The following OPRD1 variants were observed in gnomAD, a reference collection of about 807,000 sequenced individuals.
OPRD1 encodes the protein delta-type opioid receptor.
A neutral mutation model predicts 17.5 loss-of-function variants in OPRD1; 19 were observed. That is an observed-to-expected ratio of 1.09 (90% CI 0.76 to 1.60). The LOEUF (loss-of-function observed/expected upper bound fraction) is 1.60. Ranked by LOEUF, OPRD1 falls within the 40% of genes most tolerant of loss-of-function variation. The probability of loss-of-function intolerance (pLI) is 0.00; values close to 1 mark genes in which losing one functional copy is unlikely to be tolerated. For missense variants in OPRD1, 483 were observed against 547.2 expected (o/e 0.88, Z 1.17); for synonymous variants, 256 against 240.9 (o/e 1.06, Z -0.58).
Position 28,870,917 on chromosome 1 carries a change from G to A in OPRD1, c.*7634G>A, listed in dbSNP as rs2089212130. On this transcript the variant is annotated 3_prime_UTR_variant, in exon 3 of 3. Transcript: ENST00000234961. The stretch of plus-strand genomic sequence containing the variant: ...TGTCCACTTCATTGCTGTGGTGTTG[G>A]GCAGGTCTCTGTCCCTCTCTGGGCC... The A allele has an allele frequency of 6.6e-6, 1 of 152,236 alleles. No homozygotes were observed. Among genetic ancestry groups the A allele is most frequent in the South Asian group, 2.1e-4 (1 of 4,826 alleles). 9.4% of individuals were successfully genotyped at this position (152,236 alleles called of 1,614,324 possible).
chr1:28,819,881 G>A (rs1431948713), intron 1 of OPRD1, among the ~76,000 whole-genome samples: 2 of 152,192 alleles, frequency 1.3e-5, no homozygotes, highest in African/African-American at 4.8e-5. Flanking sequence ...GCAGTTGAGA[G>A]CCTGGGCATT....
At chr1:28,830,566 A>C (rs1403021465) in intron 1 of OPRD1, among the ~76,000 whole-genome samples, 1 of 152,152 alleles carries the variant, frequency 6.6e-6, no homozygotes, top group Non-Finnish European at 1.5e-5. Flanking sequence ...CTAATCACAG[A>C]TAACCATAAG....
chr1:28,843,764 G>A (rs779170432), intron 1 of OPRD1, among the ~76,000 whole-genome samples: 4 of 151,994 alleles, frequency 2.6e-5, no homozygotes, highest in Non-Finnish European at 4.4e-5. Flanking sequence ...GACTACAAAC[G>A]TGCATCACCA....
intron 1 of OPRD1, among the ~76,000 whole-genome samples, chr1:28,813,023 G>A (rs560532213): frequency 6.6e-6 from 1 of 152,280 alleles, no homozygotes; most frequent in African/African-American, 2.4e-5. Flanking sequence ...GGGCCTTTGG[G>A]GAGACCGGTG....
At chr1:28,843,136 G>T (rs889563304) in intron 1 of OPRD1, among the ~76,000 whole-genome samples, 4 of 152,126 alleles carry the variant, frequency 2.6e-5, no homozygotes, top group African/African-American at 7.2e-5. Flanking sequence ...GAAAGGTGAA[G>T]TGACTTGCTC....
chr1:28,833,382 G>A (rs2088824183), intron 1 of OPRD1, among the ~76,000 whole-genome samples: 1 of 152,200 alleles, frequency 6.6e-6, no homozygotes, highest in Non-Finnish European at 1.5e-5. Flanking sequence ...AGCACCAGTA[G>A]GATATATTTC....
chr1:28,825,385 G>T (rs1205505220), intron 1 of OPRD1, among the ~76,000 whole-genome samples: 3 of 151,638 alleles, frequency 2.0e-5, no homozygotes, highest in African/African-American at 7.3e-5. Context: ...GGGAACACAA[G>T]AAGTAGGTTC....
chr1:28,843,776 G>A (rs746184295), intron 1 of OPRD1, among the ~76,000 whole-genome samples: 1 of 151,978 alleles, frequency 6.6e-6, no homozygotes, highest in Non-Finnish European at 1.5e-5. Flanking sequence ...GCATCACCAC[G>A]CCCGGCTAAT....
At position 28,863,131 on chromosome 1, in the gene OPRD1, G is replaced by C. The variant is rs979690276; in HGVS notation, c.967G>C (p.Glu323Gln). Residue 323 changes from glutamate (E) to glutamine (Q), a missense_variant, in exon 3 of 3, where the codon GAG becomes CAG. By Grantham distance (29) the Glu-to-Gln change is conservative (BLOSUM62 2). Transcript: ENST00000234961. Reference protein sequence around the residue: ...LNPVLYAFLDENFKRCFRQLC... With the variant: ...LNPVLYAFLDQNFKRCFRQLC... Reference sequence around the variant, plus strand: ...CCCCGTGCTCTACGCTTTCCTCGACGAGAACTTCAAGCGCTGCTTCCGCCA... The same window carrying C: ...CCCCGTGCTCTACGCTTTCCTCGACCAGAACTTCAAGCGCTGCTTCCGCCA... 1.9e-6 allele frequency: 3 copies of C among 1,609,428 alleles called. No homozygotes were observed. The highest frequency in any genetic ancestry group is 2.5e-6 in the Non-Finnish European group (3 of 1,179,230).
At chr1:28,823,782 G>C (rs2088737537) in intron 1 of OPRD1, among the ~76,000 whole-genome samples, 1 of 151,472 alleles carries the variant, frequency 6.6e-6, no homozygotes, top group Non-Finnish European at 1.5e-5. Flanking sequence ...CACCCACCCG[G>C]CCTCCCAAAG....
intron 1 of OPRD1, among the ~76,000 whole-genome samples, chr1:28,846,890 CT>C (rs1363432070): frequency 5.3e-4 from 28 of 52,402 alleles, no homozygotes; most frequent in Middle Eastern, 0.015. Context: ...TTCTTTCTTT[CT>C]TTTCTCTTTC....
intron 1 of OPRD1, among the ~76,000 whole-genome samples, chr1:28,818,046 G>A (rs187215414): frequency 2.6e-5 from 4 of 152,264 alleles, no homozygotes; most frequent in African/African-American, 7.2e-5. Context: ...AAATTGGGGC[G>A]ATATGACAGG....
rs964749579 is a variant in OPRD1, at chr1:28,817,029, C to G, written c.227+4419C>G. On this transcript the variant is annotated intron_variant, in intron 1 of 2. Transcript: ENST00000234961. The stretch of plus-strand genomic sequence containing the variant: ...TTCCCTGCCTCCTCTGCGCCCCGAG[C>G]TAGGTTTCAGCAGGTTTGTACCCTC... 1.8e-4 allele frequency among the ~76,000 whole-genome samples: 27 copies of G among 152,170 alleles called. 1 individual carries two copies. The highest frequency in any genetic ancestry group is 7.4e-5 in the Non-Finnish European group (5 of 68,018).
intron 1 of OPRD1, among the ~76,000 whole-genome samples, chr1:28,855,812 C>T (rs2089051787): frequency 6.6e-6 from 1 of 152,162 alleles, no homozygotes; most frequent in Non-Finnish European, 1.5e-5. Context: ...AGCTGTGATC[C>T]CACACCCCAC....
chr1:28,829,703 C>T (rs1260569563), intron 1 of OPRD1, among the ~76,000 whole-genome samples: 2 of 146,010 alleles, frequency 1.4e-5, no homozygotes, highest in African/African-American at 5.1e-5. Flanking sequence ...AGACATGCGA[C>T]CCTTTCATTT....
chr1:28,819,669 C>A (rs928706530), intron 1 of OPRD1, among the ~76,000 whole-genome samples: 7 of 152,180 alleles, frequency 4.6e-5, no homozygotes, highest in Non-Finnish European at 7.3e-5. Flanking sequence ...CCTCTCACAG[C>A]AAGAGAGGGG....
rs979496272 is a variant in OPRD1 at position 28,859,292 on chromosome 1, C to T, written c.566C>T (p.Thr189Ile). ...VGVPIMVMAV[T>I]RPRDGAVVCM... ...GTGCCCATCATGGTCATGGCTGTGA[C>T]CCGTCCCCGGGGTGAGTGAGTGAGT... The change falls in exon 2 of 3, where the codon ACC becomes ATC. Residue 189 changes from threonine (T) to isoleucine (I), a missense_variant. Transcript: ENST00000234961. 11 of 1,612,576 alleles carry T rather than the reference C, an allele frequency of 6.8e-6. No homozygotes were observed. Among genetic ancestry groups the T allele is most frequent in the Non-Finnish European group, 9.3e-6 (11 of 1,179,316 alleles).
At chr1:28,854,977 C>T (rs967395816) in intron 1 of OPRD1, among the ~76,000 whole-genome samples, 1 of 152,100 alleles carries the variant, frequency 6.6e-6, no homozygotes, top group Non-Finnish European at 1.5e-5. Context: ...CCGGGCACTG[C>T]TGGTAGGCCC....
rs186725568 is a variant in OPRD1 at position 28,843,454 on chromosome 1, T to C, written c.228-15500T>C. Among the ~76,000 whole-genome samples the C allele has an allele frequency of 3.9e-3, 599 of 152,266 alleles. 7 individuals carry two copies. The highest frequency in any genetic ancestry group is 6.8e-3 in the Middle Eastern group (2 of 294). ...GTAACTGCCCATCCTCCCCTTGCCCTAGCCCCTCGTAACCCCAGGGCTTCT... is the reference window on the plus strand; with the variant it reads ...GTAACTGCCCATCCTCCCCTTGCCCCAGCCCCTCGTAACCCCAGGGCTTCT... On this transcript the variant is annotated intron_variant, in intron 1 of 2. Coordinates refer to ENST00000234961, the MANE Select transcript of OPRD1 (RefSeq NM_000911.4).
Sources: gnomAD v4.1 joint callset for allele counts (sites outside exome capture counted in the v4.1 genomes callset) on GRCh38, gnomAD v4.1.1 for gene constraint, MANE v1.5 for transcripts, NCBI Gene and HGNC (gene_info 2026-07-23, HGNC 2026-07-21) for gene names.